The following TTYH1 variants were observed in gnomAD, a reference collection of about 807,000 sequenced individuals.
The protein encoded by TTYH1 is tweety family member 1.
Under a neutral mutation model 61.2 loss-of-function variants are expected in TTYH1, and 33 were observed. The observed-to-expected ratio is 0.54, with a 90% CI of 0.41 to 0.72. TTYH1 has a LOEUF of 0.72. Among genes scored for constraint, TTYH1 ranks in the 30% least tolerant of loss-of-function variants. TTYH1 has a pLI of 0.00. For missense variants in TTYH1, 538 were observed against 575.8 expected (o/e 0.93, Z 0.67); for synonymous variants, 308 against 266.4 (o/e 1.16, Z -1.52).
chr19:54,415,688 G>T lies in TTYH1; in HGVS notation c.126+10G>T. Reference sequence around the variant, plus strand: ...GCAGGAATACCAGCAGGTGGGACCGGGCGCCAGGGCCTGGGGGCCAGGGCT... The same window carrying T: ...GCAGGAATACCAGCAGGTGGGACCGTGCGCCAGGGCCTGGGGGCCAGGGCT... On this transcript the variant is annotated intron_variant, in intron 1 of 13. Coordinates refer to ENST00000376530, the MANE Select transcript of TTYH1 (RefSeq NM_020659.4). This position sits in a 1 kb window ranked among gnomAD's most constrained non-coding sequence, Gnocchi z 5.2. 1 of 1,542,230 alleles carries T rather than the reference G, an allele frequency of 6.5e-7. No homozygotes were observed. The highest frequency in any genetic ancestry group is 8.7e-7 in the Non-Finnish European group (1 of 1,151,242).
chr19:54,436,423 G>C lies in TTYH1; in HGVS notation c.*133G>C, dbSNP rs2083554709. 1.9e-6 allele frequency: 3 copies of C among 1,597,420 alleles called. No individual in the cohort carries two copies. The South Asian group carries it at 3.3e-5, about 18-fold the overall frequency. On this transcript the variant is annotated 3_prime_UTR_variant, in exon 14 of 14. Coordinates refer to ENST00000376530, the MANE Select transcript of TTYH1 (RefSeq NM_020659.4). This position sits in a 1 kb window ranked among gnomAD's most constrained non-coding sequence, Gnocchi z 4.3. ...TCTTGGCCATGGACAGCCTGCACAG[G>C]ACCGCCTCCCTGCTCTTGGCCACTG...
chr19:54,428,079 G>GTTTTTTTT (rs936820982), intron 5 of TTYH1, among the ~76,000 whole-genome samples: 1 of 62,460 alleles, frequency 1.6e-5, no homozygotes. Flanking sequence ...TCCCGGCTAA[G>GTTTTTTTT]TTTTTTTTTT....
chr19:54,433,348 AG>A (rs2083477241), intron 10 of TTYH1: 2 of 152,184 alleles, frequency 1.3e-5, no homozygotes, highest in African/African-American at 4.8e-5. Context: ...ACCAGAGGTC[AG>A]GAGTTTGAGA....
At position 54,429,822 on chromosome 19, in the gene TTYH1, G is replaced by A. The variant is rs2083399270; in HGVS notation, c.808-60G>A. 1.4e-6 allele frequency: 2 copies of A among 1,473,404 alleles called. No homozygotes were observed. The highest frequency in any genetic ancestry group is 2.3e-5 in the South Asian group (2 of 86,214). 91.3% of individuals were successfully genotyped at this position (1,473,404 alleles called of 1,614,324 possible). On this transcript the variant is annotated intron_variant, in intron 6 of 13. Coordinates refer to ENST00000376530, the MANE Select transcript of TTYH1 (RefSeq NM_020659.4). This position sits in a 1 kb window ranked among gnomAD's most constrained non-coding sequence, Gnocchi z 5.1. ...GCTGGGGAGCCAGGCACTGGGTGCT[G>A]TGGGAGTGTGGAATCGGGGCAGTTT...
In TTYH1 at chr19:54,415,938, G is replaced by A; in HGVS notation, c.126+260G>A. 2 of 950,904 alleles carry A rather than the reference G, an allele frequency of 2.1e-6. No homozygotes were observed. The highest frequency in any genetic ancestry group is 3.1e-6 in the Non-Finnish European group (2 of 644,672). The allele number at this position is 950,904 out of a possible 1,614,324, so 58.9% of individuals were successfully genotyped here. On this transcript the variant is annotated intron_variant, in intron 1 of 13. Transcript: ENST00000376530. The surrounding 1 kb of genome is among the most constrained non-coding windows in gnomAD (Gnocchi z 5.2). ...ACCTGCACCCCTGAGTTCATGGAGAGGAGGGGAGGGGGGCCCGGATTCCCG... is the reference window on the plus strand; with the variant it reads ...ACCTGCACCCCTGAGTTCATGGAGAAGAGGGGAGGGGGGCCCGGATTCCCG...
rs2122924929 is a variant in TTYH1 at position 54,429,216 on chromosome 19, T to TG, written c.735-85dup. The TG allele has an allele frequency of 5.1e-6, 6 of 1,181,416 alleles. No individual in the cohort carries two copies. The highest frequency in any genetic ancestry group is 1.3e-5 in the South Asian group (1 of 79,402). 73.2% of individuals were successfully genotyped at this position (1,181,416 alleles called of 1,614,324 possible). A position where few individuals can be genotyped will look rare whatever the true frequency, so the allele number is the denominator to read the frequency against. ...TCCAGGCTCCAGAGGTGGGTGGAGGTGGGGGGCGGCTGTGATGGGATTTGG... is the reference window on the plus strand; with the variant it reads ...TCCAGGCTCCAGAGGTGGGTGGAGGTGGGGGGGCGGCTGTGATGGGATTTGG... On this transcript the variant is annotated intron_variant, in intron 5 of 13. Transcript: ENST00000376530. The surrounding 1 kb of genome is among the most constrained non-coding windows in gnomAD (Gnocchi z 5.1).
At chr19:54,417,176 A>G (rs936218159) in intron 1 of TTYH1, among the ~76,000 whole-genome samples, 1 of 151,756 alleles carries the variant, frequency 6.6e-6, no homozygotes, top group Non-Finnish European at 1.5e-5. Context: ...CCCATTACAC[A>G]CTCACATGCA....
At chr19:54,431,250 G>C (rs1257803113) in intron 10 of TTYH1, 59 bp downstream of exon 10, 1 of 1,185,392 alleles carries the variant, frequency 8.4e-7, no homozygotes, top group African/African-American at 1.5e-5. Context: ...TCGACCCACA[G>C]AACTACCTCC....
chr19:54,418,071 A>T (rs2083126864), intron 1 of TTYH1, among the ~76,000 whole-genome samples: 1 of 151,762 alleles, frequency 6.6e-6, no homozygotes, highest in Non-Finnish European at 1.5e-5. Context: ...AGGCAGAAAC[A>T]CCGTGGTTTA....
Position 54,420,901 on chromosome 19 carries a change from C to T in TTYH1, c.306-376C>T, listed in dbSNP as rs538898634. On this transcript the variant is annotated intron_variant, in intron 2 of 13. Transcript: ENST00000376530. This position sits in a 1 kb window ranked among gnomAD's most constrained non-coding sequence, Gnocchi z 4.8. ...GGTGCCAGGAGGGCTGCCTGCCTGG[C>T]AAAGGATGCGGGGGAAGGGTGTGGG... The T allele has an allele frequency of 3.3e-6, 1 of 307,312 alleles. No individual in the cohort carries two copies. The highest frequency in any genetic ancestry group is 4.1e-5 in the South Asian group (1 of 24,360). 19.0% of individuals were successfully genotyped at this position (307,312 alleles called of 1,614,324 possible).
Position 54,421,013 on chromosome 19 carries a change from G to C in TTYH1, c.306-264G>C, listed in dbSNP as rs1422739097. Among the ~76,000 whole-genome samples, 1 of 152,014 alleles carries C rather than the reference G, an allele frequency of 6.6e-6. No homozygotes were observed. The highest frequency in any genetic ancestry group is 6.5e-5 in the Admixed American group (1 of 15,280). On this transcript the variant is annotated intron_variant, in intron 2 of 13. Transcript: ENST00000376530. The surrounding 1 kb of genome is among the most constrained non-coding windows in gnomAD (Gnocchi z 4.8). ...CTCCAGGGAGGTGCGAGTTAAATCG[G>C]GGGCTCCCTCCCCCCCACCACTCCA...
chr19:54,428,076 TAAG>T (rs1157656550), intron 5 of TTYH1, among the ~76,000 whole-genome samples: 7 of 127,106 alleles, frequency 5.5e-5, no homozygotes, highest in Non-Finnish European at 8.2e-5. Context: ...CACTCCCGGC[TAAG>T]TTTTTTTTTT....
Position 54,415,620 on chromosome 19 carries a change from A to G in TTYH1, c.68A>G (p.Asp23Gly). 6.4e-7 allele frequency: 1 copy of G among 1,563,790 alleles called. No homozygotes were observed. Among genetic ancestry groups the G allele is most frequent in the Non-Finnish European group, 8.6e-7 (1 of 1,162,402 alleles). ...VHLLHQLPRADFQLRPVPSVF... is the reference protein window; with the variant it reads ...VHLLHQLPRAGFQLRPVPSVF... The stretch of plus-strand genomic sequence containing the variant: ...CTCCTCCACCAGCTGCCCCGCGCCG[A>G]CTTCCAGCTCCGCCCGGTGCCCAGC... Residue 23 changes from aspartate (D) to glycine (G), a missense_variant, in exon 1 of 14, where the codon GAC (aspartate) becomes GGC (glycine). Asp to Gly is a moderately conservative substitution (Grantham distance 94). This residue lies in a region of TTYH1 where 157 missense variants were observed against 157.0 expected (regional missense o/e 1.00). Coordinates refer to ENST00000376530, the MANE Select transcript of TTYH1 (RefSeq NM_020659.4). The surrounding 1 kb of genome is among the most constrained non-coding windows in gnomAD (Gnocchi z 5.2).
At chr19:54,423,867 A>G (rs1004133429) in intron 4 of TTYH1, among the ~76,000 whole-genome samples, 1 of 152,160 alleles carries the variant, frequency 6.6e-6, no homozygotes, top group Non-Finnish European at 1.5e-5. Context: ...AACTTTGGAG[A>G]AAATTACAGA....
At chr19:54,428,806 T>G (rs926794331) in intron 5 of TTYH1, among the ~76,000 whole-genome samples, 2 of 152,156 alleles carry the variant, frequency 1.3e-5, no homozygotes, top group Non-Finnish European at 2.9e-5. Flanking sequence ...GCCTTCAGTT[T>G]GGGGACCCCT....
intron 1 of TTYH1, among the ~76,000 whole-genome samples, chr19:54,417,673 G>A (rs190299393): frequency 1.0e-4 from 15 of 146,788 alleles, no homozygotes; most frequent in African/African-American, 2.9e-4. Flanking sequence ...TCACATACAC[G>A]TTTATACTCC....
intron 4 of TTYH1, among the ~76,000 whole-genome samples, chr19:54,425,984 C>T (rs997818884): frequency 4.6e-5 from 7 of 152,004 alleles, no homozygotes; most frequent in Admixed American, 2.0e-4. Context: ...CCAAAATGCG[C>T]GGATTACAGG....
chr19:54,429,744 C>T lies in TTYH1; in HGVS notation c.808-138C>T, dbSNP rs2083398075. 1.4e-6 allele frequency: 1 copy of T among 736,490 alleles called. No individual in the cohort carries two copies. The highest frequency in any genetic ancestry group is 1.7e-5 in the South Asian group (1 of 59,634). The allele number at this position is 736,490 out of a possible 1,614,324, so 45.6% of individuals were successfully genotyped here. On this transcript the variant is annotated intron_variant, in intron 6 of 13. Coordinates refer to ENST00000376530, the MANE Select transcript of TTYH1 (RefSeq NM_020659.4). This position sits in a 1 kb window ranked among gnomAD's most constrained non-coding sequence, Gnocchi z 5.1. The stretch of plus-strand genomic sequence containing the variant: ...GGACGAGGGGCCTGGGGCCTGGACT[C>T]CTGAGTCTGAGGGAAGAGGGGCTGG...
intron 5 of TTYH1, 61 bp downstream of exon 5, chr19:54,426,829 TCA>T (rs1345932349): frequency 2.7e-5 from 39 of 1,459,166 alleles, no homozygotes; most frequent in Non-Finnish European, 3.1e-5. Flanking sequence ...AGGCAGGACC[TCA>T]GTCTTACAAC....
Sources: gnomAD v4.1 joint callset for allele counts (sites outside exome capture counted in the v4.1 genomes callset) on GRCh38, gnomAD v4.1.1 for gene constraint, gnomAD v4.1.1 regional missense constraint, Gnocchi (gnomAD v3.1) non-coding constraint, MANE v1.5 for transcripts, NCBI Gene and HGNC (gene_info 2026-07-23, HGNC 2026-07-21) for gene names.